SLC71A2: variants seen among roughly 807,000 people sequenced by gnomAD.
The protein encoded by SLC71A2 is solute carrier family 71 member 2.
At chr9:94,392,305 G>A in the SLC71A2 span, among the ~76,000 whole-genome samples, 1 of 150,392 alleles carries the variant, frequency 6.6e-6, no homozygotes, top group Admixed American at 6.7e-5. Context: ...TCCTAGTGGT[G>A]GGCTTCCTAT....
At chr9:94,459,570 CTGTT>C in the SLC71A2 span, 4 of 547,124 alleles carry the variant, frequency 7.3e-6, no homozygotes, top group East Asian at 9.2e-5. Flanking sequence ...CATCCTCCTC[CTGTT>C]TTTTTTTTTT....
At chr9:94,459,736 T>G in the SLC71A2 span, 1 of 261,398 alleles carries the variant, frequency 3.8e-6, no homozygotes. Flanking sequence ...GTAATGACTA[T>G]AGAGTAAGAG....
the SLC71A2 span, among the ~76,000 whole-genome samples, chr9:94,426,928 G>A: frequency 3.3e-5 from 5 of 152,126 alleles, no homozygotes; most frequent in Admixed American, 1.3e-4. Flanking sequence ...TTGATCTTCC[G>A]GGCTCAAGGC....
At chr9:94,445,647 C>A in the SLC71A2 span, among the ~76,000 whole-genome samples, 1 of 151,998 alleles carries the variant, frequency 6.6e-6, no homozygotes, top group African/African-American at 2.4e-5. Flanking sequence ...TCTCTACCTC[C>A]CTCCCTTTCC....
chr9:94,382,048 C>T, the SLC71A2 span, among the ~76,000 whole-genome samples: 1 of 151,664 alleles, frequency 6.6e-6, no homozygotes, highest in African/African-American at 2.4e-5. Context: ...CCTCCTCCGG[C>T]AGAGTCTCAC....
At chr9:94,413,769 G>A in the SLC71A2 span, among the ~76,000 whole-genome samples, 1 of 151,990 alleles carries the variant, frequency 6.6e-6, no homozygotes, top group Non-Finnish European at 1.5e-5. Flanking sequence ...GGAACTCAGC[G>A]AGAGTTCTTC....
At chr9:94,397,662 T>C in the SLC71A2 span, among the ~76,000 whole-genome samples, 20 of 152,284 alleles carry the variant, frequency 1.3e-4, 1 homozygote, top group Admixed American at 9.2e-4. Flanking sequence ...ACTGTGACAG[T>C]TTCCTAGGCG....
chr9:94,400,848 A>G, the SLC71A2 span, among the ~76,000 whole-genome samples: 4 of 152,146 alleles, frequency 2.6e-5, no homozygotes, highest in African/African-American at 9.7e-5. Flanking sequence ...ACTACCTGAA[A>G]GTGTCCTGTG....
At chr9:94,375,056 G>A in the SLC71A2 span, 1 of 561,542 alleles carries the variant, frequency 1.8e-6, no homozygotes, top group Non-Finnish European at 2.6e-6. Context: ...TTTCTGGGGG[G>A]GGAGGCGAAT....
chr9:94,401,412 G>C, the SLC71A2 span, among the ~76,000 whole-genome samples: 1 of 152,130 alleles, frequency 6.6e-6, no homozygotes, highest in African/African-American at 2.4e-5. Context: ...GACCTCAGGT[G>C]ATCAAGACCT....
the SLC71A2 span, among the ~76,000 whole-genome samples, chr9:94,384,128 A>G: frequency 1.3e-5 from 2 of 152,130 alleles, no homozygotes; most frequent in African/African-American, 4.8e-5. Flanking sequence ...AACAAATTCT[A>G]TACCCATGAA....
the SLC71A2 span, among the ~76,000 whole-genome samples, chr9:94,434,434 A>C: frequency 4.6e-5 from 7 of 152,186 alleles, no homozygotes; most frequent in Non-Finnish European, 7.3e-5. Context: ...CTCCTGCCTC[A>C]GACTCCCAAG....
chr9:94,406,066 ATT>A, the SLC71A2 span, among the ~76,000 whole-genome samples: 38 of 63,616 alleles, frequency 6.0e-4, no homozygotes, highest in East Asian at 1.5e-3. Context: ...TGCAACTTGA[ATT>A]TTTTTTTTTT....
chr9:94,403,518 A>G, the SLC71A2 span, among the ~76,000 whole-genome samples: 1 of 150,368 alleles, frequency 6.7e-6, no homozygotes, highest in Non-Finnish European at 1.5e-5. Flanking sequence ...TTTTTTTTTA[A>G]GGTTAAATGA....
At chr9:94,391,197 C>CA in the SLC71A2 span, among the ~76,000 whole-genome samples, 3,019 of 58,678 alleles carry the variant, frequency 0.051, 79 homozygotes, top group African/African-American at 0.09. Context: ...ATGTCTCTAC[C>CA]AAAAAAAAAA....
chr9:94,455,857 C>T, the SLC71A2 span, among the ~76,000 whole-genome samples: 9 of 152,096 alleles, frequency 5.9e-5, no homozygotes, highest in Admixed American at 5.9e-4. Flanking sequence ...AGTGAGCCTT[C>T]AAGAGGTACA....
the SLC71A2 span, chr9:94,438,581 A>G: frequency 1.2e-6 from 2 of 1,602,360 alleles, no homozygotes; most frequent in Non-Finnish European, 1.7e-6. Context: ...TCACATGTAA[A>G]TTATACTTAT....
chr9:94,445,034 G>A, the SLC71A2 span: 47 of 1,614,050 alleles, frequency 2.9e-5, no homozygotes, highest in Non-Finnish European at 3.7e-5. Context: ...GCCAGTTACG[G>A]AGACAGCCTC....
At chr9:94,424,431 C>A in the SLC71A2 span, among the ~76,000 whole-genome samples, 1 of 151,958 alleles carries the variant, frequency 6.6e-6, no homozygotes, top group African/African-American at 2.4e-5. Flanking sequence ...TACTGGGTTT[C>A]ACCATGTTGG....
Sources: allele counts gnomAD v4.1 joint callset (sites outside exome capture counted in the v4.1 genomes callset), GRCh38; gene constraint gnomAD v4.1.1; transcripts MANE v1.5; gene names NCBI Gene and HGNC (gene_info 2026-07-23, HGNC 2026-07-21).